SLC24A2: variants seen among roughly 807,000 people sequenced by gnomAD.
The protein encoded by SLC24A2 is solute carrier family 24 member 2, also known as sodium/potassium/calcium exchanger 2.
SLC24A2 carries 36 observed loss-of-function variants against 62.0 expected under a neutral mutation model. The ratio of observed to expected loss-of-function variants is 0.58; its 90% CI spans 0.44 to 0.77. SLC24A2 has a LOEUF of 0.77. SLC24A2 is among the 30% of genes least tolerant of loss of function. SLC24A2 has a pLI of 0.00. For synonymous variants in SLC24A2, 358 were observed against 294.0 expected, an observed-to-expected ratio of 1.22 and a Z score of -2.23; for missense variants, 846 against 817.9, an observed-to-expected ratio of 1.03 and a Z score of -0.42.
the SLC24A2 span, among the ~76,000 whole-genome samples, chr9:20,119,658 T>G: frequency 6.6e-6 from 1 of 152,114 alleles, no homozygotes; most frequent in African/African-American, 2.4e-5. Flanking sequence ...TCCTAATGAA[T>G]AGTGTAAGGC....
At chr9:19,575,112 A>G (rs755661655) in intron 6 of SLC24A2, among the ~76,000 whole-genome samples, 1 of 152,234 alleles carries the variant, frequency 6.6e-6, no homozygotes, top group Non-Finnish European at 1.5e-5. Context: ...TTATGTATTT[A>G]GTTGTGGAAT....
At chr9:19,530,301 G>T (rs966815192) in intron 8 of SLC24A2, among the ~76,000 whole-genome samples, 1 of 152,022 alleles carries the variant, frequency 6.6e-6, no homozygotes, top group Non-Finnish European at 1.5e-5. Context: ...CTCTTGCCAC[G>T]TGGGGTCACG....
At chr9:20,156,345 G>A in the SLC24A2 span, among the ~76,000 whole-genome samples, 3 of 151,694 alleles carry the variant, frequency 2.0e-5, no homozygotes, top group African/African-American at 4.8e-5. Context: ...GCCTTGGGAA[G>A]CATTTGATTC....
the SLC24A2 span, among the ~76,000 whole-genome samples, chr9:19,820,643 C>A: frequency 2.0e-5 from 3 of 151,578 alleles, no homozygotes; most frequent in South Asian, 2.1e-4. Context: ...ACATCTGACA[C>A]AAGGTAATGG....
the SLC24A2 span, among the ~76,000 whole-genome samples, chr9:20,057,303 A>C: frequency 6.6e-5 from 10 of 152,166 alleles, no homozygotes; most frequent in African/African-American, 1.2e-4. Context: ...CCCATTCCCT[A>C]ATCTTTTGAT....
chr9:19,818,223 A>G, the SLC24A2 span, among the ~76,000 whole-genome samples: 1 of 151,970 alleles, frequency 6.6e-6, no homozygotes, highest in East Asian at 1.9e-4. Flanking sequence ...TCTGTTTTTC[A>G]CAAAGTCTCT....
At chr9:20,292,765 T>C in the SLC24A2 span, among the ~76,000 whole-genome samples, 1 of 152,162 alleles carries the variant, frequency 6.6e-6, no homozygotes, top group East Asian at 1.9e-4. Flanking sequence ...AATTCCTTTA[T>C]TTTTTGTAGA....
intron 8 of SLC24A2, among the ~76,000 whole-genome samples, chr9:19,534,923 G>A (rs749405778): frequency 6.6e-6 from 1 of 152,114 alleles, no homozygotes; most frequent in African/African-American, 2.4e-5. Context: ...AGATCCTTGA[G>A]GAATTGCCAC....
chr9:19,985,673 T>C, the SLC24A2 span, among the ~76,000 whole-genome samples: 331 of 152,266 alleles, frequency 2.2e-3, 1 homozygote, highest in African/African-American at 7.1e-3. Context: ...ATGATTGTTA[T>C]GCATTTGTCA....
chr9:19,760,472 C>G (rs555184573), intron 2 of SLC24A2, among the ~76,000 whole-genome samples: 1 of 152,126 alleles, frequency 6.6e-6, no homozygotes, highest in African/African-American at 2.4e-5. Flanking sequence ...CACCCATCAA[C>G]CTGTCATCTA....
chr9:19,677,573 G>A (rs1242609308), intron 2 of SLC24A2, among the ~76,000 whole-genome samples: 1 of 152,068 alleles, frequency 6.6e-6, no homozygotes, highest in East Asian at 1.9e-4. Flanking sequence ...GTGTACCCCT[G>A]ACCTTAAAGT....
chr9:19,759,434 G>A (rs1004846171), intron 2 of SLC24A2, among the ~76,000 whole-genome samples: 1 of 152,200 alleles, frequency 6.6e-6, no homozygotes, highest in Non-Finnish European at 1.5e-5. Context: ...CAACTGCAAA[G>A]TGAATTTATG....
the SLC24A2 span, among the ~76,000 whole-genome samples, chr9:20,164,900 C>G: frequency 6.8e-6 from 1 of 147,428 alleles, no homozygotes; most frequent in Non-Finnish European, 1.5e-5. Flanking sequence ...AACGAAACAC[C>G]GCATATTCTC....
chr9:19,767,781 C>T (rs1465783697), intron 2 of SLC24A2, among the ~76,000 whole-genome samples: 3 of 152,192 alleles, frequency 2.0e-5, no homozygotes, highest in South Asian at 4.1e-4. Context: ...TGTAAAATCT[C>T]TTACTTTTAA....
intron 2 of SLC24A2, among the ~76,000 whole-genome samples, chr9:19,766,865 C>T (rs1171102299): frequency 6.6e-6 from 1 of 152,180 alleles, no homozygotes; most frequent in Non-Finnish European, 1.5e-5. Flanking sequence ...CAGGCAGGGA[C>T]GTTTAAGTCT....
the SLC24A2 span, among the ~76,000 whole-genome samples, chr9:20,144,994 T>C: frequency 6.6e-6 from 1 of 152,272 alleles, no homozygotes; most frequent in Non-Finnish European, 1.5e-5. Context: ...ATCAGATATG[T>C]TATTTTCCTT....
At chr9:20,273,962 T>G in the SLC24A2 span, among the ~76,000 whole-genome samples, 7 of 152,328 alleles carry the variant, frequency 4.6e-5, no homozygotes, top group Admixed American at 2.0e-4. Context: ...TTTTGTAATA[T>G]GGGTATCAGT....
chr9:19,604,867 T>C (rs1369000634), intron 4 of SLC24A2, among the ~76,000 whole-genome samples: 3 of 152,230 alleles, frequency 2.0e-5, no homozygotes, highest in Non-Finnish European at 4.4e-5. Context: ...GAATACTTGG[T>C]TCTTTACCAC....
At chr9:19,567,530 G>A (rs1286820080) in intron 7 of SLC24A2, among the ~76,000 whole-genome samples, 1 of 119,194 alleles carries the variant, frequency 8.4e-6, no homozygotes, top group Non-Finnish European at 1.6e-5. Context: ...TGGGGACAGA[G>A]CAAGACTCCA....
Sources: gnomAD v4.1 joint callset for allele counts (sites outside exome capture counted in the v4.1 genomes callset) on GRCh38, gnomAD v4.1.1 for gene constraint, MANE v1.5 for transcripts, NCBI Gene and HGNC (gene_info 2026-07-23, HGNC 2026-07-21) for gene names.